The following CLSTN2 variants were observed in gnomAD, a reference collection of about 807,000 sequenced individuals.
CLSTN2 encodes the protein calsyntenin 2.
CLSTN2 carries 48 observed loss-of-function variants against 101.2 expected under a neutral mutation model. The observed-to-expected ratio is 0.47, with a 90% confidence interval of 0.38 to 0.60. The LOEUF (loss-of-function observed/expected upper bound fraction) is 0.60. Among genes scored for constraint, CLSTN2 ranks in the 20% least tolerant of loss-of-function variants. The pLI is 0.00. For synonymous variants in CLSTN2, 481 were observed against 463.6 expected (o/e 1.04, Z -0.48); for missense variants, 1,160 against 1,238.2 (o/e 0.94, Z 0.95).
At chr3:140,297,151 ATTTGTTGTG>A (rs2087012437) in intron 2 of CLSTN2, among the ~76,000 whole-genome samples, 1 of 152,204 alleles carries the variant, frequency 6.6e-6, no homozygotes, top group Non-Finnish European at 1.5e-5. Context: ...TCTGGACTCA[ATTTGTTGTG>A]TTTGTTTGCC....
chr3:140,374,072 G>A (rs1366864408), intron 2 of CLSTN2, among the ~76,000 whole-genome samples: 1 of 152,148 alleles, frequency 6.6e-6, no homozygotes, highest in Non-Finnish European at 1.5e-5. Flanking sequence ...TTGTTCCCCT[G>A]CAGAAAGGAC....
At chr3:140,142,296 G>A (rs894002604) in intron 1 of CLSTN2, among the ~76,000 whole-genome samples, 7 of 152,150 alleles carry the variant, frequency 4.6e-5, no homozygotes, top group Non-Finnish European at 8.8e-5. Flanking sequence ...TGAAACAAGG[G>A]ATGTCCAAGG....
Position 140,490,109 on chromosome 3 carries a change from TATATATATACACAC to T in CLSTN2, c.1344+23380_1344+23393del, listed in dbSNP as rs1934321446. Among the ~76,000 whole-genome samples, 5 of 7,488 alleles carry T rather than the reference TATATATATACACAC, an allele frequency of 6.7e-4. 2 individuals carry two copies. Among genetic ancestry groups the T allele is most frequent in the Non-Finnish European group, 6.5e-4 (3 of 4,622 alleles). The allele number at this position is 7,488 out of a possible 152,430, so 4.9% of individuals were successfully genotyped here. ...GTGTGTATATATATATATATATATA[TATATATATACACAC>T]ACACACACACACACACACACACACA... On this transcript the variant is annotated intron_variant, in intron 8 of 16. Coordinates refer to ENST00000458420, the MANE Select transcript of CLSTN2 (RefSeq NM_022131.3).
chr3:140,145,140 C>T (rs1269212548), intron 1 of CLSTN2, among the ~76,000 whole-genome samples: 1 of 152,216 alleles, frequency 6.6e-6, no homozygotes, highest in African/African-American at 2.4e-5. Context: ...TAGCACAACA[C>T]CTGACCTATG....
intron 2 of CLSTN2, among the ~76,000 whole-genome samples, chr3:140,196,993 A>G (rs2010653898): frequency 6.6e-6 from 1 of 152,246 alleles, no homozygotes; most frequent in Admixed American, 6.5e-5. Flanking sequence ...GATGATAAAT[A>G]CAAATTGAAT....
At chr3:140,106,911 C>T (rs2009068792) in intron 1 of CLSTN2, among the ~76,000 whole-genome samples, 1 of 152,166 alleles carries the variant, frequency 6.6e-6, no homozygotes, top group Non-Finnish European at 1.5e-5. Flanking sequence ...TTCTTTTCAA[C>T]ACTAGTGTTA....
At chr3:140,033,699 G>A (rs1042152900) in intron 1 of CLSTN2, among the ~76,000 whole-genome samples, 3 of 152,194 alleles carry the variant, frequency 2.0e-5, no homozygotes, top group African/African-American at 4.8e-5. Context: ...TGGCTCTCAG[G>A]GAGGCTAGGA....
intron 1 of CLSTN2, among the ~76,000 whole-genome samples, chr3:140,045,884 A>G (rs2007869414): frequency 6.6e-6 from 1 of 152,176 alleles, no homozygotes; most frequent in Non-Finnish European, 1.5e-5. Flanking sequence ...TCTGAGAGAC[A>G]GTTTGTTATA....
At chr3:140,413,140 C>T (rs1278784219) in intron 4 of CLSTN2, among the ~76,000 whole-genome samples, 2 of 151,576 alleles carry the variant, frequency 1.3e-5, no homozygotes, top group Admixed American at 6.6e-5. Flanking sequence ...ATTGATAAAC[C>T]TTTACCTAGG....
chr3:139,965,020 T>A (rs1385706007), intron 1 of CLSTN2, among the ~76,000 whole-genome samples: 1 of 152,186 alleles, frequency 6.6e-6, no homozygotes, highest in Non-Finnish European at 1.5e-5. Flanking sequence ...CTACGGTTGA[T>A]ATTTTATACT....
At chr3:140,189,505 C>T (rs1039019480) in intron 2 of CLSTN2, among the ~76,000 whole-genome samples, 1 of 152,098 alleles carries the variant, frequency 6.6e-6, no homozygotes, top group African/African-American at 2.4e-5. Flanking sequence ...CTGATGATGT[C>T]AAATGTTTTT....
At chr3:140,498,994 C>T (rs1156945236) in intron 8 of CLSTN2, among the ~76,000 whole-genome samples, 4 of 150,680 alleles carry the variant, frequency 2.7e-5, no homozygotes, top group Non-Finnish European at 5.9e-5. Context: ...AAATAATTAA[C>T]AATCATTATA....
intron 2 of CLSTN2, among the ~76,000 whole-genome samples, chr3:140,309,056 G>A (rs1034247602): frequency 6.6e-6 from 1 of 152,202 alleles, no homozygotes; most frequent in Non-Finnish European, 1.5e-5. Context: ...TTGAGAACAT[G>A]CTGAGTGCTT....
intron 2 of CLSTN2, among the ~76,000 whole-genome samples, chr3:140,394,956 T>A (rs1402821162): frequency 6.6e-6 from 1 of 152,196 alleles, no homozygotes; most frequent in African/African-American, 2.4e-5. Context: ...TTATTTCAAG[T>A]TCCACTTGAC....
chr3:140,557,377 A>C (rs1012659473), intron 11 of CLSTN2, among the ~76,000 whole-genome samples: 2 of 152,222 alleles, frequency 1.3e-5, no homozygotes, highest in African/African-American at 4.8e-5. Flanking sequence ...ACCAGAAAAA[A>C]ACCCCGCAGA....
At chr3:140,551,231 G>GCCC (rs1329652446) in intron 10 of CLSTN2, among the ~76,000 whole-genome samples, 1 of 151,656 alleles carries the variant, frequency 6.6e-6, no homozygotes, top group Non-Finnish European at 1.5e-5. Context: ...GACAGTTACT[G>GCCC]CCCTCCTCCC....
intron 1 of CLSTN2, among the ~76,000 whole-genome samples, chr3:140,061,964 G>C (rs552462318): frequency 2.7e-4 from 41 of 152,304 alleles, no homozygotes; most frequent in African/African-American, 8.4e-4. Context: ...TCCTTTTATA[G>C]ACTGAAAGCT....
At chr3:140,026,907 G>C (rs1205445833) in intron 1 of CLSTN2, among the ~76,000 whole-genome samples, 3 of 152,238 alleles carry the variant, frequency 2.0e-5, no homozygotes, top group African/African-American at 7.2e-5. Context: ...CCTGAGCCAA[G>C]GTGGGAGAGT....
chr3:140,444,931 G>A (rs1933039944), intron 5 of CLSTN2, among the ~76,000 whole-genome samples: 1 of 152,218 alleles, frequency 6.6e-6, no homozygotes, highest in African/African-American at 2.4e-5. Context: ...TTGATGACTT[G>A]CCTTTTGCTC....
Sources: gnomAD v4.1 joint callset for allele counts (sites outside exome capture counted in the v4.1 genomes callset) on GRCh38, gnomAD v4.1.1 for gene constraint, MANE v1.5 for transcripts, NCBI Gene and HGNC (gene_info 2026-07-23, HGNC 2026-07-21) for gene names.